Variants in CCDC169 observed in about 807,000 individuals in gnomAD.
CCDC169 encodes coiled-coil domain-containing protein 169.
Under a neutral mutation model 36.0 loss-of-function variants are expected in CCDC169, and 30 were observed. That is an observed-to-expected ratio of 0.83 (90% CI 0.62 to 1.13). The LOEUF is 1.13. Ranked by LOEUF, CCDC169 falls within the 50% of genes most tolerant of loss-of-function variation. The pLI is 0.00. For synonymous variants in CCDC169, 85 were observed against 81.5 expected (o/e 1.04, Z -0.23); for missense variants, 245 against 245.9 (o/e 1.00, Z 0.03).
At position 36,253,892 on chromosome 13, in the gene CCDC169, T is replaced by G. The variant is rs151178328; in HGVS notation, c.415-36A>C. 1.1e-3 allele frequency: 1,665 copies of G among 1,546,996 alleles called. 34 individuals carry two copies. The East Asian group carries it at 0.036, about 33-fold the overall frequency. ...ATACAAAAGCAAAGGGTCCAACATATGAGAAGATTAGCAATACTAGCAAGA... is the reference window on the plus strand; with the variant it reads ...ATACAAAAGCAAAGGGTCCAACATAGGAGAAGATTAGCAATACTAGCAAGA... On this transcript the variant is annotated intron_variant, in intron 5 of 7. Coordinates refer to ENST00000239859, the MANE Select transcript of CCDC169 (RefSeq NM_001144981.3).
At chr13:36,297,127 T>C (rs1028889974) in intron 1 of CCDC169, among the ~76,000 whole-genome samples, 1 of 151,954 alleles carries the variant, frequency 6.6e-6, no homozygotes, top group Non-Finnish European at 1.5e-5. Context: ...GTGGATGGAG[T>C]TGGGAGTATG....
intron 2 of CCDC169, among the ~76,000 whole-genome samples, chr13:36,287,082 C>T (rs1461175178): frequency 1.3e-5 from 2 of 152,206 alleles, no homozygotes; most frequent in African/African-American, 2.4e-5. Flanking sequence ...TTTAAACTGA[C>T]GGGCAAATTA....
At chr13:36,235,099 A>G (rs1273811502) in intron 7 of CCDC169, among the ~76,000 whole-genome samples, 1 of 152,090 alleles carries the variant, frequency 6.6e-6, no homozygotes, top group East Asian at 1.9e-4. Context: ...GGAGCTACAT[A>G]GGAAAGAACT....
At chr13:36,277,956 A>AG in intron 4 of CCDC169, among the ~76,000 whole-genome samples, 1 of 152,176 alleles carries the variant, frequency 6.6e-6, no homozygotes, top group Non-Finnish European at 1.5e-5. Flanking sequence ...AAAAAAAAAA[A>AG]AAAAAGATGT....
At chr13:36,265,052 A>G (rs1875102088) in intron 4 of CCDC169, among the ~76,000 whole-genome samples, 1 of 152,198 alleles carries the variant, frequency 6.6e-6, no homozygotes, top group South Asian at 2.1e-4. Flanking sequence ...GAAGTCTCCA[A>G]CTTTCATAAT....
At chr13:36,273,461 T>A (rs1188206697) in intron 4 of CCDC169, among the ~76,000 whole-genome samples, 18 of 152,222 alleles carry the variant, frequency 1.2e-4, no homozygotes, top group Admixed American at 1.1e-3. Flanking sequence ...ATAAAAAAAA[T>A]ATCCTGAGGC....
At chr13:36,283,026 C>T in intron 4 of CCDC169, 1 of 160,490 alleles carries the variant, frequency 6.2e-6, no homozygotes, top group Non-Finnish European at 1.4e-5. Flanking sequence ...TTTCTAAATG[C>T]CACAAGAGGG....
At chr13:36,293,642 G>C (rs1879160026) in intron 2 of CCDC169, among the ~76,000 whole-genome samples, 2 of 152,238 alleles carry the variant, frequency 1.3e-5, no homozygotes, top group South Asian at 4.1e-4. Context: ...CATGCTGTGA[G>C]AAGAAAAAGG....
chr13:36,283,358 A>C, intron 4 of CCDC169, 111 bp downstream of exon 4: 1 of 1,002,532 alleles, frequency 1.0e-6, no homozygotes, highest in South Asian at 1.7e-5. Flanking sequence ...TGAACAAAAC[A>C]GTTTATTTGG....
rs1366820297 is a variant in CCDC169 at position 36,240,552 on chromosome 13, T to G, written c.545+8054A>C. 5 of 1,162,222 alleles carry G rather than the reference T, an allele frequency of 4.3e-6. No homozygotes were observed. The Admixed American group carries it at 1.6e-4, about 36-fold the overall frequency. The allele number at this position is 1,162,222 out of a possible 1,614,324, so 72.0% of individuals were successfully genotyped here. ...AATCAGAATCAGAAGGATACGCCCC[T>G]AACAATCTGTCTCTTACCAAGTCCT... On this transcript the variant is annotated intron_variant, in intron 7 of 7. Transcript: ENST00000239859.
chr13:36,277,727 G>C (rs1877004721), intron 4 of CCDC169, among the ~76,000 whole-genome samples: 1 of 152,024 alleles, frequency 6.6e-6, no homozygotes, highest in South Asian at 2.1e-4. Flanking sequence ...GAGGCAGGCG[G>C]ATCACCTGAG....
At chr13:36,256,849 A>G (rs1245375834) in intron 4 of CCDC169, among the ~76,000 whole-genome samples, 1 of 152,162 alleles carries the variant, frequency 6.6e-6, no homozygotes, top group African/African-American at 2.4e-5. Flanking sequence ...ACAGCAGCAC[A>G]TGTCTGATCA....
intron 7 of CCDC169, among the ~76,000 whole-genome samples, chr13:36,234,101 C>CT (rs1241544398): frequency 6.6e-6 from 1 of 152,088 alleles, no homozygotes; most frequent in Non-Finnish European, 1.5e-5. Context: ...CTCCCAAAAC[C>CT]TTTTTTAAAA....
chr13:36,265,574 T>C (rs926745298), intron 4 of CCDC169, among the ~76,000 whole-genome samples: 3 of 152,236 alleles, frequency 2.0e-5, no homozygotes, highest in African/African-American at 7.2e-5. Flanking sequence ...TAAAGAGAGC[T>C]ATGTTAGGCA....
At position 36,297,677 on chromosome 13, in the gene CCDC169, T is replaced by TG; in HGVS notation, c.42dup (p.Asn15GlnfsTer23). On this transcript the variant is annotated frameshift_variant, in exon 1 of 8. Transcript: ENST00000239859. LOFTEE classifies it high-confidence loss of function. ...TCCAGCAACTGCTGTTTCAGGCGGT[T>TG]GGTGCTCACACCGTCGAAGTTGTAG... 6.4e-7 allele frequency: 1 copy of TG among 1,551,384 alleles called. No homozygotes were observed. Among genetic ancestry groups the TG allele is most frequent in the Non-Finnish European group, 8.7e-7 (1 of 1,147,000 alleles).
chr13:36,243,043 TA>T (rs1872044142), intron 7 of CCDC169, among the ~76,000 whole-genome samples: 2 of 152,174 alleles, frequency 1.3e-5, no homozygotes, highest in African/African-American at 2.4e-5. Context: ...TCCCCAGGGA[TA>T]AGAGTCTGGG....
intron 6 of CCDC169, among the ~76,000 whole-genome samples, chr13:36,251,488 A>G (rs894065895): frequency 6.6e-6 from 1 of 152,144 alleles, no homozygotes; most frequent in African/African-American, 2.4e-5. Context: ...ATTTCACATA[A>G]GTGAATTTTT....
intron 4 of CCDC169, among the ~76,000 whole-genome samples, chr13:36,271,092 A>G (rs1307604597): frequency 1.3e-5 from 2 of 152,212 alleles, no homozygotes; most frequent in Non-Finnish European, 2.9e-5. Flanking sequence ...CTCATCAAAA[A>G]GTGGGCAAAG....
chr13:36,265,729 G>A (rs766802008), intron 4 of CCDC169, among the ~76,000 whole-genome samples: 16 of 152,216 alleles, frequency 1.1e-4, no homozygotes, highest in Admixed American at 1.3e-4. Context: ...TCCCTACCAT[G>A]ATAGCTTTTA....
Sources: gnomAD v4.1 joint callset for allele counts (sites outside exome capture counted in the v4.1 genomes callset) on GRCh38, gnomAD v4.1.1 for gene constraint, MANE v1.5 for transcripts, NCBI Gene and HGNC (gene_info 2026-07-23, HGNC 2026-07-21) for gene names.